HDAC9: variants seen among roughly 807,000 people sequenced by gnomAD.
The protein encoded by HDAC9 is histone deacetylase 9, also known as MEF-2 interacting transcription repressor (MITR) protein.
Under a neutral mutation model 139.4 loss-of-function variants are expected in HDAC9, and 41 were observed. The ratio of observed to expected loss-of-function variants is 0.29; its 90% CI spans 0.23 to 0.38. The LOEUF (loss-of-function observed/expected upper bound fraction) is 0.38, where lower values mean the gene tolerates loss of function less well. Ranked by LOEUF, HDAC9 falls within the 10% of genes least tolerant of loss-of-function variation. The pLI is 1.00. For missense variants in HDAC9, 1,147 were observed against 1,297.0 expected, an observed-to-expected ratio of 0.88 and a Z score of 1.78; for synonymous variants, 517 against 476.2, an observed-to-expected ratio of 1.09 and a Z score of -1.12.
chr7:18,681,149 T>G (rs1781862848), intron 12 of HDAC9, among the ~76,000 whole-genome samples: 1 of 151,994 alleles, frequency 6.6e-6, no homozygotes, highest in Admixed American at 6.6e-5. Context: ...AATTCAAGCC[T>G]TCTTCTTTGG....
At chr7:18,183,156 C>T (rs1401819337) in intron 2 of HDAC9, among the ~76,000 whole-genome samples, 1 of 151,990 alleles carries the variant, frequency 6.6e-6, no homozygotes, top group Non-Finnish European at 1.5e-5. Context: ...ACTACAGGTG[C>T]CTGCCACCAC....
chr7:18,743,119 C>G (rs1787608893), intron 13 of HDAC9, among the ~76,000 whole-genome samples: 1 of 152,042 alleles, frequency 6.6e-6, no homozygotes, highest in African/African-American at 2.4e-5. Context: ...AAAAGCTTTC[C>G]AGATATTTTG....
At chr7:18,657,335 G>A (rs1277130958) in intron 11 of HDAC9, among the ~76,000 whole-genome samples, 1 of 152,076 alleles carries the variant, frequency 6.6e-6, no homozygotes, top group Admixed American at 6.6e-5. Context: ...GGGAAATGGC[G>A]ATGTTTATGA....
chr7:18,249,514 A>AC (rs1421272829), intron 2 of HDAC9, among the ~76,000 whole-genome samples: 2 of 148,458 alleles, frequency 1.3e-5, no homozygotes, highest in African/African-American at 4.9e-5. Context: ...AAAAAAAAAA[A>AC]AAAAAAAAAC....
intron 23 of HDAC9, among the ~76,000 whole-genome samples, chr7:18,937,030 AT>A (rs768350029): frequency 0.24 from 22,852 of 95,810 alleles, 1,686 homozygotes; most frequent in South Asian, 0.39. Context: ...GCTCTTGTTA[AT>A]TTTTTTTTTT....
intron 1 of HDAC9, among the ~76,000 whole-genome samples, chr7:18,470,322 A>T (rs980201497): frequency 6.6e-6 from 1 of 152,254 alleles, no homozygotes; most frequent in East Asian, 1.9e-4. Context: ...TCTTAAAAAA[A>T]AAAAGAAGCC....
At chr7:18,410,738 A>G (rs1030759317) in intron 1 of HDAC9, among the ~76,000 whole-genome samples, 2 of 152,038 alleles carry the variant, frequency 1.3e-5, no homozygotes, top group African/African-American at 4.8e-5. Flanking sequence ...AGAATCATCA[A>G]CTCTTTTGAC....
At chr7:18,418,477 T>G (rs1015009333) in intron 1 of HDAC9, among the ~76,000 whole-genome samples, 1 of 119,120 alleles carries the variant, frequency 8.4e-6, no homozygotes, top group Non-Finnish European at 1.8e-5. Context: ...TTTTTAAAAA[T>G]AAGATAATGA....
At chr7:18,157,979 G>A (rs373556954) in intron 1 of HDAC9, among the ~76,000 whole-genome samples, 1 of 152,182 alleles carries the variant, frequency 6.6e-6, no homozygotes, top group Non-Finnish European at 1.5e-5. Context: ...AGGAACCATG[G>A]TTAATGTCTC....
chr7:18,586,114 T>G (rs1424837129), intron 3 of HDAC9, among the ~76,000 whole-genome samples: 1 of 152,170 alleles, frequency 6.6e-6, no homozygotes, highest in Non-Finnish European at 1.5e-5. Context: ...TAAGAATTTA[T>G]TGAAAGTATT....
At chr7:18,260,150 C>G (rs148308649) in intron 2 of HDAC9, among the ~76,000 whole-genome samples, 5 of 152,094 alleles carry the variant, frequency 3.3e-5, no homozygotes, top group Non-Finnish European at 7.4e-5. Flanking sequence ...GATCTAGCAA[C>G]CTGTGCCTTT....
Position 18,997,836 on chromosome 7 carries a change from T to C in HDAC9, c.*1774T>C, listed in dbSNP as rs1786552806. 6.6e-6 allele frequency: 1 copy of C among 152,160 alleles called. No homozygotes were observed. The highest frequency in any genetic ancestry group is 1.5e-5 in the Non-Finnish European group (1 of 68,002). The allele number at this position is 152,160 out of a possible 1,614,324, so 9.4% of individuals were successfully genotyped here. A position where few individuals can be genotyped will look rare whatever the true frequency, so the allele number is the denominator to read the frequency against. ...TAATTTTAAAGACTTTTATTACATA[T>C]ACAAAAATGGCTCAATACTTGGTTT... On this transcript the variant is annotated 3_prime_UTR_variant, in exon 26 of 26. Coordinates refer to ENST00000686413, the MANE Select transcript of HDAC9 (RefSeq NM_178425.4).
chr7:18,926,987 A>G (rs1317970875), intron 22 of HDAC9, among the ~76,000 whole-genome samples: 2 of 152,198 alleles, frequency 1.3e-5, no homozygotes, highest in South Asian at 4.1e-4. Context: ...TATAAAATTG[A>G]TTTCCGGATT....
At position 18,749,146 on chromosome 7, in the gene HDAC9, A is replaced by T; in HGVS notation, c.2043+8A>T. 1.2e-6 allele frequency: 2 copies of T among 1,613,174 alleles called. No homozygotes were observed. Among genetic ancestry groups the T allele is most frequent in the Non-Finnish European group, 1.7e-6 (2 of 1,179,512 alleles). On this transcript the variant is annotated splice_region_variant and intron_variant, in intron 14 of 25. Coordinates refer to ENST00000686413, the MANE Select transcript of HDAC9 (RefSeq NM_178425.4). Reference sequence around the variant, plus strand: ...CTGCTAAATAAATGTGAGGTAATCCAGAATTGGACACACTCTTTTACTTAC... The same window carrying T: ...CTGCTAAATAAATGTGAGGTAATCCTGAATTGGACACACTCTTTTACTTAC...
rs1799723335 is a variant in HDAC9, at chr7:18,317,339, G to T, written c.-42+26824G>T. On this transcript the variant is annotated intron_variant, in intron 1 of 3. Coordinates refer to the HDAC9 transcript ENST00000413509. ...TAGCAGCCAGATTTTCTTGACTAAA[G>T]CTATAATTAGTCATGGCTCTCTGAT... Among the ~76,000 whole-genome samples the T allele has an allele frequency of 1.3e-5, 2 of 152,012 alleles. 1 individual carries two copies. Among genetic ancestry groups the T allele is most frequent in the South Asian group, 4.1e-4 (2 of 4,832 alleles).
Position 18,388,163 on chromosome 7 carries a change from A to C in HDAC9, c.-42+97648A>C, listed in dbSNP as rs571607641. ...AAACGACGTAAATGTTATGACTAAA[A>C]AACACCCTGCTATATTTGTACGTGT... On this transcript the variant is annotated intron_variant, in intron 1 of 3. Transcript: ENST00000413509. Among the ~76,000 whole-genome samples, 14 of 152,340 alleles carry C rather than the reference A, an allele frequency of 9.2e-5. No individual in the cohort carries two copies. In the South Asian group the frequency reaches 2.9e-3, roughly 32 times the overall value.
At chr7:18,947,047 A>C (rs1348625059) in intron 23 of HDAC9, among the ~76,000 whole-genome samples, 1 of 152,056 alleles carries the variant, frequency 6.6e-6, no homozygotes, top group Non-Finnish European at 1.5e-5. Flanking sequence ...CAAAGAAATC[A>C]CAGTGAAATA....
intron 12 of HDAC9, among the ~76,000 whole-genome samples, chr7:18,713,880 C>G (rs187487283): frequency 1.1e-4 from 16 of 150,036 alleles, no homozygotes; most frequent in African/African-American, 3.7e-4. Flanking sequence ...CTTGTTATAA[C>G]GTATTTTGGT....
chr7:18,330,341 T>C (rs1346243790), intron 1 of HDAC9, among the ~76,000 whole-genome samples: 1 of 151,504 alleles, frequency 6.6e-6, no homozygotes, highest in African/African-American at 2.4e-5. Flanking sequence ...ACATTTAGTT[T>C]TCACTAAATG....
Sources: allele counts gnomAD v4.1 joint callset (sites outside exome capture counted in the v4.1 genomes callset), GRCh38; gene constraint gnomAD v4.1.1; transcripts MANE v1.5; gene names NCBI Gene and HGNC (gene_info 2026-07-23, HGNC 2026-07-21).